METTL25: variants seen among roughly 807,000 people sequenced by gnomAD.
The protein encoded by METTL25 is methyltransferase like 25.
METTL25 carries 64 observed loss-of-function variants against 71.6 expected under a neutral mutation model. The ratio of observed to expected loss-of-function variants is 0.89; its 90% CI spans 0.73 to 1.10. The LOEUF (loss-of-function observed/expected upper bound fraction) is 1.10. Among genes scored for constraint, METTL25 ranks in the 50% least tolerant of loss-of-function variants. The pLI is 0.00. For synonymous variants in METTL25, 287 were observed against 250.3 expected, an observed-to-expected ratio of 1.15 and a Z score of -1.38; for missense variants, 807 against 707.0, an observed-to-expected ratio of 1.14 and a Z score of -1.60.
intron 1 of METTL25, among the ~76,000 whole-genome samples, chr12:82,377,510 T>A (rs1883995601): frequency 6.6e-6 from 1 of 152,214 alleles, no homozygotes; most frequent in African/African-American, 2.4e-5. Context: ...TGAAAGAGGA[T>A]CTGTTTAATA....
chr12:82,461,422 A>G (rs2731294), intron 9 of METTL25, among the ~76,000 whole-genome samples: 138,240 of 152,164 alleles, frequency 0.91, 63,401 homozygotes, highest in East Asian at 1. Flanking sequence ...GGAAATTGAG[A>G]CATAAGTTAA....
intron 1 of METTL25, among the ~76,000 whole-genome samples, chr12:82,369,957 G>C (rs1334597940): frequency 6.6e-6 from 1 of 152,108 alleles, no homozygotes; most frequent in Non-Finnish European, 1.5e-5. Context: ...GACACAGAGT[G>C]CTGATTGGTG....
At chr12:82,372,364 G>A (rs2136865750) in intron 1 of METTL25, among the ~76,000 whole-genome samples, 1 of 152,266 alleles carries the variant, frequency 6.6e-6, no homozygotes, top group South Asian at 2.1e-4. Context: ...CTTCTGGGCA[G>A]GGGAGATTAG....
At position 82,361,412 on chromosome 12, in the gene METTL25, C is replaced by T. The variant is rs1014476936; in HGVS notation, c.259+2588C>T. Among the ~76,000 whole-genome samples the T allele has an allele frequency of 2.6e-5, 4 of 152,236 alleles. No individual in the cohort carries two copies. The South Asian group carries it at 6.2e-4, about 24-fold the overall frequency. ...CTGCCCACCAGTCCCATGCCGTGCG[C>T]CCGCACTCCTCAGCCCTTGGGCGGT... On this transcript the variant is annotated intron_variant, in intron 1 of 11. Transcript: ENST00000248306.
At position 82,427,758 on chromosome 12, in the gene METTL25, C is replaced by T. The variant is rs893513632; in HGVS notation, c.1280-3135C>T. ...ATTGTTTCCCTTGTTCCCTGGGTTT[C>T]GCCTGTGACCACAATCATCATCTGT... On this transcript the variant is annotated intron_variant, in intron 5 of 11. Transcript: ENST00000248306. 8.6e-5 allele frequency among the ~76,000 whole-genome samples: 13 copies of T among 151,816 alleles called. 1 individual carries two copies. Among genetic ancestry groups the T allele is most frequent in the African/African-American group, 2.9e-4 (12 of 41,370 alleles).
rs528758331 is a variant in METTL25, at chr12:82,452,197, G to A, written c.1479-4530G>A. Reference sequence around the variant, plus strand: ...AGATTTTTGTGAATTTTCTTTTATAGCGCGTTCTCTTATAAATAAGACTGC... The same window carrying A: ...AGATTTTTGTGAATTTTCTTTTATAACGCGTTCTCTTATAAATAAGACTGC... On this transcript the variant is annotated intron_variant, in intron 8 of 11. Coordinates refer to ENST00000248306, the MANE Select transcript of METTL25 (RefSeq NM_032230.3). 2.0e-5 allele frequency among the ~76,000 whole-genome samples: 3 copies of A among 152,242 alleles called. No homozygotes were observed. The South Asian group carries it at 6.2e-4, about 32-fold the overall frequency.
At chr12:82,384,425 T>G (rs1732421471) in intron 1 of METTL25, among the ~76,000 whole-genome samples, 1 of 102,156 alleles carries the variant, frequency 9.8e-6, no homozygotes, top group African/African-American at 3.8e-5. Flanking sequence ...CCCCTCCCTC[T>G]CTCTGAATCT....
At chr12:82,380,917 A>G (rs556739702) in intron 1 of METTL25, among the ~76,000 whole-genome samples, 211 of 152,370 alleles carry the variant, frequency 1.4e-3, no homozygotes, top group Admixed American at 5.5e-3. Context: ...AGAGTGAGCC[A>G]TGAAAATTCA....
At chr12:82,463,193 T>A (rs1053932661) in intron 9 of METTL25, among the ~76,000 whole-genome samples, 2 of 152,074 alleles carry the variant, frequency 1.3e-5, no homozygotes, top group Non-Finnish European at 1.5e-5. Context: ...GCCATAATTT[T>A]ATATTCTTTA....
At chr12:82,381,600 C>G (rs1178751562) in intron 1 of METTL25, among the ~76,000 whole-genome samples, 1 of 152,104 alleles carries the variant, frequency 6.6e-6, no homozygotes, top group Admixed American at 6.6e-5. Flanking sequence ...ATTTTCTTCC[C>G]TTGGTACAGT....
At chr12:82,464,289 A>G (rs1029905000) in intron 9 of METTL25, among the ~76,000 whole-genome samples, 2 of 151,878 alleles carry the variant, frequency 1.3e-5, no homozygotes, top group African/African-American at 4.8e-5. Context: ...ATTTTTGTAT[A>G]GGATGAGAGG....
At position 82,381,239 on chromosome 12, in the gene METTL25, CAAATT is replaced by C. The variant is rs145364635; in HGVS notation, c.260-5560_260-5556del. ...TTCTTTGCATATTTTTGTTTTCCCT[CAAATT>C]AAACTGTGAAGAGTCTGTTAGAGTT... On this transcript the variant is annotated intron_variant, in intron 1 of 11. Transcript: ENST00000248306. 2.8e-3 allele frequency among the ~76,000 whole-genome samples: 420 copies of C among 152,268 alleles called. 2 individuals carry two copies. Among genetic ancestry groups the C allele is most frequent in the African/African-American group, 9.5e-3 (395 of 41,556 alleles).
intron 9 of METTL25, among the ~76,000 whole-genome samples, chr12:82,469,660 C>G (rs1892456168): frequency 6.6e-6 from 1 of 151,746 alleles, no homozygotes; most frequent in African/African-American, 2.4e-5. Context: ...CTAATTGGAG[C>G]TTTGCAGAGT....
At position 82,439,774 on chromosome 12, in the gene METTL25, C is replaced by A. The variant is rs970695266; in HGVS notation, c.1478+983C>A. The stretch of plus-strand genomic sequence containing the variant: ...TCTTATATTTACCCTAAGATGCTAA[C>A]CTTGTTGAAAAAAGCCATAAAATTG... On this transcript the variant is annotated intron_variant, in intron 8 of 11. Coordinates refer to ENST00000248306, the MANE Select transcript of METTL25 (RefSeq NM_032230.3). 7 of 564,572 alleles carry A rather than the reference C, an allele frequency of 1.2e-5. No homozygotes were observed. In the African/African-American group the frequency reaches 1.4e-4, roughly 12 times the overall value. The allele number at this position is 564,572 out of a possible 1,614,324, so 35.0% of individuals were successfully genotyped here. A position where few individuals can be genotyped will look rare whatever the true frequency, so the allele number is the denominator to read the frequency against.
intron 5 of METTL25, chr12:82,407,962 C>T: frequency 1.0e-6 from 1 of 985,024 alleles, no homozygotes; most frequent in Non-Finnish European, 1.2e-6. Flanking sequence ...TGTGAACCAT[C>T]CCATGAAATT....
chr12:82,396,408 G>A (rs965909509), intron 3 of METTL25, among the ~76,000 whole-genome samples: 15 of 151,956 alleles, frequency 9.9e-5, no homozygotes, highest in African/African-American at 2.9e-4. Context: ...ACCTTGAAAC[G>A]TTTTGAGGAT....
intron 2 of METTL25, 52 bp from the exon 3 acceptor site, chr12:82,389,764 T>A: frequency 9.6e-7 from 1 of 1,036,404 alleles, no homozygotes; most frequent in Non-Finnish European, 1.5e-6. Flanking sequence ...AACTGATAAT[T>A]CCTACTAAAT....
intron 9 of METTL25, among the ~76,000 whole-genome samples, chr12:82,467,822 A>G (rs998054474): frequency 6.6e-6 from 1 of 151,868 alleles, no homozygotes; most frequent in African/African-American, 2.4e-5. Flanking sequence ...ATGGATGTTC[A>G]TTTTTCTGCC....
chr12:82,421,991 C>T (rs1394427492), intron 5 of METTL25, among the ~76,000 whole-genome samples: 1 of 152,182 alleles, frequency 6.6e-6, no homozygotes, highest in Non-Finnish European at 1.5e-5. Flanking sequence ...GGTACCATTC[C>T]TTCTGAAACT....
Sources: gnomAD v4.1 joint callset for allele counts (sites outside exome capture counted in the v4.1 genomes callset) on GRCh38, gnomAD v4.1.1 for gene constraint, MANE v1.5 for transcripts, NCBI Gene and HGNC (gene_info 2026-07-23, HGNC 2026-07-21) for gene names.